PPP2R1A: variants seen among roughly 807,000 people sequenced by gnomAD.
PPP2R1A encodes the protein serine/threonine-protein phosphatase 2A 65 kDa regulatory subunit A alpha isoform.
In PPP2R1A, 15 loss-of-function variants were observed where a neutral mutation model predicts 67.1. The ratio of observed to expected loss-of-function variants is 0.22; its 90% confidence interval spans 0.15 to 0.34. The LOEUF (loss-of-function observed/expected upper bound fraction) is 0.34, where lower values mean the gene tolerates loss of function less well. PPP2R1A is among the 10% of genes least tolerant of loss of function. The pLI is 1.00. For synonymous variants in PPP2R1A, 337 were observed against 325.0 expected (o/e 1.04, Z -0.40); for missense variants, 369 against 775.0 (o/e 0.48, Z 6.22).
chr19:52,199,647 T>C (rs1297845991), intron 1 of PPP2R1A, among the ~76,000 whole-genome samples: 6 of 152,194 alleles, frequency 3.9e-5, no homozygotes, highest in Non-Finnish European at 8.8e-5. Flanking sequence ...ATGGTTGTTT[T>C]CAGTGCCACG....
In PPP2R1A at chr19:52,221,188, G is replaced by A. The variant is rs189887114; in HGVS notation, c.1518+55G>A. On this transcript the variant is annotated intron_variant, in intron 12 of 14. Coordinates refer to ENST00000322088, the MANE Select transcript of PPP2R1A (RefSeq NM_014225.6). The stretch of plus-strand genomic sequence containing the variant: ...CCCTAGGGAACTGGAGCGCGTGGGA[G>A]AGGAGGGATGCTAGAGGGTTCCCCA... 628 of 1,605,424 alleles carry A rather than the reference G, an allele frequency of 3.9e-4. 3 individuals are homozygous for A. In the African/African-American group the frequency reaches 7.2e-3, roughly 19 times the overall value.
chr19:52,202,579 A>G (rs1325388483), intron 2 of PPP2R1A, among the ~76,000 whole-genome samples: 2 of 152,182 alleles, frequency 1.3e-5, no homozygotes, highest in Non-Finnish European at 1.5e-5. Flanking sequence ...TGCTGTCCCC[A>G]TGTTATAGAT....
chr19:52,215,761 C>G lies in PPP2R1A; in HGVS notation c.808-18C>G, dbSNP rs759678475. 10 of 1,607,816 alleles carry G rather than the reference C, an allele frequency of 6.2e-6. No individual in the cohort carries two copies. The South Asian group carries it at 7.7e-5, about 12-fold the overall frequency. ...TGCCAGCCCCTCTCACTCTCCCCCT[C>G]CTCCTTCCTGTCTGCAGCTCCAGAA... is the stretch of plus-strand genomic sequence containing the variant. On this transcript the variant is annotated intron_variant, in intron 6 of 14. Transcript: ENST00000322088.
chr19:52,215,801 A>G lies in PPP2R1A; in HGVS notation c.830A>G (p.Glu277Gly). 6.2e-7 allele frequency: 1 copy of G among 1,614,014 alleles called. No individual in the cohort carries two copies. Among genetic ancestry groups the G allele is most frequent in the Non-Finnish European group, 8.5e-7 (1 of 1,179,920 alleles). ...CAGCTCCAGAAAGCAGTGGGGCCTGAGATCACCAAGACAGACCTGGTCCCT... is the reference window on the plus strand; with the variant it reads ...CAGCTCCAGAAAGCAGTGGGGCCTGGGATCACCAAGACAGACCTGGTCCCT... ...FTELQKAVGP[E>G]ITKTDLVPAF... The change falls in exon 7 of 15, where the codon GAG (glutamate) becomes GGG (glycine). Residue 277 changes from glutamate to glycine, a missense_variant. By Grantham distance (98) the Glu-to-Gly change is moderately conservative (BLOSUM62 -2). Transcript: ENST00000322088.
At chr19:52,205,678 C>T (rs2089594721) in intron 2 of PPP2R1A, among the ~76,000 whole-genome samples, 1 of 152,172 alleles carries the variant, frequency 6.6e-6, no homozygotes, top group African/African-American at 2.4e-5. Flanking sequence ...GGATGGTGAA[C>T]ACCATTTTAC....
At chr19:52,192,227 C>T (rs1325079985) in intron 1 of PPP2R1A, among the ~76,000 whole-genome samples, 20 of 151,348 alleles carry the variant, frequency 1.3e-4, no homozygotes, top group Admixed American at 1.3e-3. Context: ...TCTGAGGATG[C>T]AGAGTTTGAG....
chr19:52,197,128 T>A (rs1433460435), intron 1 of PPP2R1A, among the ~76,000 whole-genome samples: 1 of 152,156 alleles, frequency 6.6e-6, no homozygotes, highest in Non-Finnish European at 1.5e-5. Context: ...AAAAATAACA[T>A]CTTTATTTTC....
At chr19:52,209,993 T>C (rs1045366290) in intron 3 of PPP2R1A, among the ~76,000 whole-genome samples, 2 of 152,222 alleles carry the variant, frequency 1.3e-5, no homozygotes, top group African/African-American at 4.8e-5. Flanking sequence ...CCACAGTGCC[T>C]GCCTCTTCCT....
chr19:52,201,040 G>A (rs1008528454), intron 1 of PPP2R1A: 1 of 150,762 alleles, frequency 6.6e-6, no homozygotes, highest in Non-Finnish European at 1.5e-5. Context: ...CTGGATTCAA[G>A]GCTAACCCTC....
At chr19:52,203,632 A>G (rs2089573629) in intron 2 of PPP2R1A, among the ~76,000 whole-genome samples, 1 of 152,094 alleles carries the variant, frequency 6.6e-6, no homozygotes, top group African/African-American at 2.4e-5. Flanking sequence ...CTGTGACCAT[A>G]TGTCTGGGTT....
chr19:52,196,372 G>A (rs1414418893), intron 1 of PPP2R1A, among the ~76,000 whole-genome samples: 3 of 152,190 alleles, frequency 2.0e-5, no homozygotes, highest in African/African-American at 7.2e-5. Context: ...AATTGGGTCA[G>A]CTCAAAGATA....
At chr19:52,224,826 A>G (rs1214221105) in intron 13 of PPP2R1A, among the ~76,000 whole-genome samples, 1 of 151,994 alleles carries the variant, frequency 6.6e-6, no homozygotes, top group African/African-American at 2.4e-5. Flanking sequence ...CAGCCTTTCA[A>G]GTAGCTGGGA....
At chr19:52,190,279 G>C in intron 1 of PPP2R1A, 105 bp downstream of exon 1, 2 of 1,315,710 alleles carry the variant, frequency 1.5e-6, no homozygotes, top group Non-Finnish European at 2.1e-6. Context: ...GCGGAAGGGG[G>C]CGACGGCCAA....
At chr19:52,220,086 C>A in intron 10 of PPP2R1A, 103 bp from the exon 11 acceptor site, 1 of 1,351,716 alleles carries the variant, frequency 7.4e-7, no homozygotes, top group Non-Finnish European at 1.1e-6. Flanking sequence ...GAGAAGTGTC[C>A]GGTCTTTCTA....
At chr19:52,222,453 G>A (rs1978996813) in intron 13 of PPP2R1A, 2 of 595,878 alleles carry the variant, frequency 3.4e-6, no homozygotes, top group African/African-American at 3.8e-5. Context: ...TGGGTTGGCA[G>A]TCCTGTATAC....
intron 3 of PPP2R1A, among the ~76,000 whole-genome samples, chr19:52,208,389 G>A (rs1037962701): frequency 4.6e-5 from 7 of 152,064 alleles, no homozygotes; most frequent in Non-Finnish European, 5.9e-5. Flanking sequence ...GATTAGTCTC[G>A]GAATCCTGAC....
rs1216632287 is a variant in PPP2R1A at position 52,228,294 on chromosome 19, T to TGAAGGA, written c.*2314_*2319dup. 1.3e-5 allele frequency: 2 copies of TGAAGGA among 151,930 alleles called. No individual in the cohort carries two copies. The highest frequency in any genetic ancestry group is 4.8e-5 in the African/African-American group (2 of 41,340). 9.4% of individuals were successfully genotyped at this position (151,930 alleles called of 1,614,324 possible). A position where few individuals can be genotyped will look rare whatever the true frequency, so the allele number is the denominator to read the frequency against. On this transcript the variant is annotated 3_prime_UTR_variant, in exon 15 of 15. Transcript: ENST00000322088. ...CAGGAGTGAGTATGAGAGACGAGGG[T>TGAAGGA]GAAGGATAGCTTGAGTTATTGAACG... is the stretch of plus-strand genomic sequence containing the variant.
At position 52,226,012 on chromosome 19, in the gene PPP2R1A, G is replaced by C; in HGVS notation, c.*31G>C. On this transcript the variant is annotated 3_prime_UTR_variant, in exon 15 of 15. Transcript: ENST00000322088. ...GAAGAGGAGCAAACACTGGCCTCTG[G>C]TGTCCACCCTCCAACCCCCACAAGT... 1 of 1,614,196 alleles carries C rather than the reference G, an allele frequency of 6.2e-7. No individual in the cohort carries two copies. Among genetic ancestry groups the C allele is most frequent in the Non-Finnish European group, 8.5e-7 (1 of 1,180,026 alleles).
rs937547112 is a variant in PPP2R1A at position 52,212,860 on chromosome 19, T to C, written c.651+27T>C. The C allele has an allele frequency of 1.9e-6, 3 of 1,578,236 alleles. No homozygotes were observed. The stretch of plus-strand genomic sequence containing the variant: ...TGAGTTTTGCTTCCTGGCCCTCTGC[T>C]CTCCCGTCCTTCTGGTGGTTCCTGC... On this transcript the variant is annotated intron_variant, in intron 5 of 14. Transcript: ENST00000322088. This position sits in a 1 kb window ranked among gnomAD's most constrained non-coding sequence, Gnocchi z 4.1.
Sources: allele counts gnomAD v4.1 joint callset (sites outside exome capture counted in the v4.1 genomes callset), GRCh38; gene constraint gnomAD v4.1.1; non-coding constraint Gnocchi (gnomAD v3.1); transcripts MANE v1.5; gene names NCBI Gene and HGNC (gene_info 2026-07-23, HGNC 2026-07-21).